The following DNAI4 variants were observed in gnomAD, a reference collection of about 807,000 sequenced individuals.
DNAI4 encodes dynein axonemal intermediate chain 4.
DNAI4 carries 85 observed loss-of-function variants against 105.8 expected under a neutral mutation model. That is an observed-to-expected ratio of 0.80 (90% CI 0.67 to 0.96). DNAI4 has a LOEUF of 0.96. DNAI4 is among the 40% of genes least tolerant of loss of function. The pLI, the probability that DNAI4 is intolerant of heterozygous loss-of-function variation, is 0.00. For synonymous variants in DNAI4, 352 were observed against 331.5 expected, an observed-to-expected ratio of 1.06 and a Z score of -0.67; for missense variants, 1,014 against 1,005.6, an observed-to-expected ratio of 1.01 and a Z score of -0.11.
chr1:66,871,970 G>A (rs1251785871), intron 5 of DNAI4, among the ~76,000 whole-genome samples: 1 of 152,054 alleles, frequency 6.6e-6, no homozygotes, highest in Non-Finnish European at 1.5e-5. Flanking sequence ...TTGCTTCATA[G>A]CCTTATGAAT....
chr1:66,817,925 C>T (rs1645551135), intron 16 of DNAI4, among the ~76,000 whole-genome samples: 1 of 151,598 alleles, frequency 6.6e-6, no homozygotes, highest in Non-Finnish European at 1.5e-5. Context: ...GCTTCATTCC[C>T]TGGCTAAAAT....
chr1:66,921,432 T>A (rs1377361174), intron 1 of DNAI4: 3 of 152,220 alleles, frequency 2.0e-5, no homozygotes. Context: ...AATAACAAAT[T>A]AGGCCAAACC....
intron 15 of DNAI4, among the ~76,000 whole-genome samples, chr1:66,823,509 G>C (rs1465910809): frequency 6.8e-6 from 1 of 147,866 alleles, no homozygotes; most frequent in Admixed American, 6.7e-5. Context: ...GGTTGAACTA[G>C]TTTACAGTCC....
intron 7 of DNAI4, among the ~76,000 whole-genome samples, chr1:66,856,499 A>T (rs1173209820): frequency 6.6e-6 from 1 of 151,968 alleles, no homozygotes; most frequent in African/African-American, 2.4e-5. Context: ...AATAAAAAAA[A>T]ATTCTTATAA....
intron 1 of DNAI4, among the ~76,000 whole-genome samples, chr1:66,910,012 T>C (rs1222154694): frequency 6.6e-6 from 1 of 152,150 alleles, no homozygotes; most frequent in African/African-American, 2.4e-5. Flanking sequence ...CTTGATCCCC[T>C]AAAGTTTATC....
intron 2 of DNAI4, among the ~76,000 whole-genome samples, chr1:66,898,501 T>C (rs894607817): frequency 1.3e-5 from 2 of 152,078 alleles, no homozygotes; most frequent in Non-Finnish European, 2.9e-5. Context: ...ATAAATAAAA[T>C]AGGTTATCAA....
At chr1:66,872,107 G>A (rs1026920744) in intron 5 of DNAI4, among the ~76,000 whole-genome samples, 1 of 151,966 alleles carries the variant, frequency 6.6e-6, no homozygotes, top group African/African-American at 2.4e-5. Context: ...GTGTTCTCTG[G>A]TTGACCTACC....
rs1646202270 is a variant in DNAI4 at position 66,843,626 on chromosome 1, T to G, written c.1292-2955A>C. Among the ~76,000 whole-genome samples, 3 of 152,206 alleles carry G rather than the reference T, an allele frequency of 2.0e-5. No homozygotes were observed. The South Asian group carries it at 6.2e-4, about 31-fold the overall frequency. On this transcript the variant is annotated intron_variant, in intron 8 of 16. Transcript: ENST00000371026. Reference sequence around the variant, plus strand: ...CATTGTAAGATCCAAGGTCATCTAGTGTTTCTCCTATGTTATCTTCTAGGA... The same window carrying G: ...CATTGTAAGATCCAAGGTCATCTAGGGTTTCTCCTATGTTATCTTCTAGGA...
intron 1 of DNAI4, among the ~76,000 whole-genome samples, chr1:66,923,441 G>A (rs543784149): frequency 4.6e-4 from 70 of 152,356 alleles, no homozygotes; most frequent in African/African-American, 1.5e-3. Context: ...AGTTATGGTA[G>A]TGAGGAACAG....
chr1:66,891,744 G>A (rs567951180), intron 3 of DNAI4, among the ~76,000 whole-genome samples: 6 of 152,230 alleles, frequency 3.9e-5, no homozygotes, highest in Admixed American at 2.6e-4. Flanking sequence ...GATTACAGGC[G>A]TGAACCACCG....
chr1:66,828,057 C>T, intron 13 of DNAI4, 147 bp from the exon 14 acceptor site: 1 of 452,686 alleles, frequency 2.2e-6, no homozygotes, highest in South Asian at 4.7e-5. Flanking sequence ...TTGTCTTTTT[C>T]TTTTGTCATG....
intron 1 of DNAI4, chr1:66,906,995 CTTAT>C (rs1649303469): frequency 6.6e-6 from 1 of 152,130 alleles, no homozygotes; most frequent in Non-Finnish European, 1.5e-5. Flanking sequence ...GGTCTCCTAT[CTTAT>C]TTTTTTCTCT....
chr1:66,910,742 T>C (rs1322738032), intron 1 of DNAI4, among the ~76,000 whole-genome samples: 1 of 152,236 alleles, frequency 6.6e-6, no homozygotes, highest in African/African-American at 2.4e-5. Context: ...TTAACTTATT[T>C]ATCTTGTGAA....
intron 7 of DNAI4, among the ~76,000 whole-genome samples, chr1:66,848,710 T>C (rs1646330993): frequency 1.3e-5 from 2 of 152,178 alleles, no homozygotes; most frequent in African/African-American, 4.8e-5. Context: ...ATTCCAGATA[T>C]GGAGCTGAAG....
chr1:66,831,314 G>C (rs1412819975), intron 13 of DNAI4, among the ~76,000 whole-genome samples: 1 of 152,074 alleles, frequency 6.6e-6, no homozygotes, highest in South Asian at 2.1e-4. Flanking sequence ...TGATTACCCT[G>C]ATAGTAAAGT....
chr1:66,889,962 G>A (rs535680935), intron 4 of DNAI4, among the ~76,000 whole-genome samples: 1 of 152,010 alleles, frequency 6.6e-6, no homozygotes, highest in Non-Finnish European at 1.5e-5. Context: ...TTCCCATGAC[G>A]TTCCACATAT....
chr1:66,883,983 C>T (rs1400645846), intron 4 of DNAI4, among the ~76,000 whole-genome samples: 1 of 152,186 alleles, frequency 6.6e-6, no homozygotes, highest in Non-Finnish European at 1.5e-5. Flanking sequence ...TCTCCCCAAT[C>T]TCCCAAATCC....
chr1:66,827,255 A>T (rs1324555706), intron 14 of DNAI4, among the ~76,000 whole-genome samples: 1 of 152,148 alleles, frequency 6.6e-6, no homozygotes, highest in Non-Finnish European at 1.5e-5. Context: ...TACAATATTC[A>T]CTAAATTTAA....
chr1:66,856,599 A>G (rs1646507485), intron 7 of DNAI4, among the ~76,000 whole-genome samples: 1 of 152,150 alleles, frequency 6.6e-6, no homozygotes, highest in Non-Finnish European at 1.5e-5. Context: ...GTCATAAAAC[A>G]CATTTGAAAA....
Sources: gnomAD v4.1 joint callset for allele counts (sites outside exome capture counted in the v4.1 genomes callset) on GRCh38, gnomAD v4.1.1 for gene constraint, MANE v1.5 for transcripts, NCBI Gene and HGNC (gene_info 2026-07-23, HGNC 2026-07-21) for gene names.